Variants in CNTNAP2 observed in about 807,000 individuals in gnomAD.
CNTNAP2 encodes the protein contactin-associated protein-like 2.
In CNTNAP2, 98 loss-of-function variants were observed where a neutral mutation model predicts 155.2. The observed-to-expected ratio is 0.63, with a 90% CI of 0.54 to 0.75. CNTNAP2 has a LOEUF of 0.75. CNTNAP2 is among the 30% of genes least tolerant of loss of function. CNTNAP2 has a pLI of 0.00. For synonymous variants in CNTNAP2, 651 were observed against 631.2 expected, an observed-to-expected ratio of 1.03 and a Z score of -0.47; for missense variants, 1,727 against 1,688.1, an observed-to-expected ratio of 1.02 and a Z score of -0.40.
chr7:147,972,515 G>A (rs1156684743), intron 14 of CNTNAP2, among the ~76,000 whole-genome samples: 1 of 152,086 alleles, frequency 6.6e-6, no homozygotes, highest in East Asian at 1.9e-4. Context: ...GTCAAGGAAA[G>A]ACAGCAAAGC....
Position 146,669,828 on chromosome 7 carries a change from C to T in CNTNAP2, c.98-104443C>T, listed in dbSNP as rs1585034321. On this transcript the variant is annotated intron_variant, in intron 1 of 23. Transcript: ENST00000361727. ...TTAAACTTTAGTGTAAGTACTACAA[C>T]ATTTTACTAAGCAAATTTGGAGTTC... Among the ~76,000 whole-genome samples the T allele has an allele frequency of 2.4e-5, 3 of 126,362 alleles. No homozygotes were observed. The East Asian group carries it at 6.8e-4, about 29-fold the overall frequency. 82.9% of individuals were successfully genotyped at this position (126,362 alleles called of 152,430 possible).
intron 13 of CNTNAP2, among the ~76,000 whole-genome samples, chr7:147,763,258 C>CA (rs61666714): frequency 6.1e-4 from 65 of 107,036 alleles, no homozygotes; most frequent in Admixed American, 1.3e-3. Flanking sequence ...GAAACTCAGT[C>CA]AAAAAAAAAA....
At chr7:147,720,290 A>T (rs1796545197) in intron 13 of CNTNAP2, among the ~76,000 whole-genome samples, 1 of 152,104 alleles carries the variant, frequency 6.6e-6, no homozygotes, top group Admixed American at 6.6e-5. Context: ...GTGGGAGATA[A>T]GCTGTTCTAA....
chr7:146,623,398 C>T (rs1166612518), intron 1 of CNTNAP2, among the ~76,000 whole-genome samples: 2 of 152,010 alleles, frequency 1.3e-5, no homozygotes, highest in African/African-American at 2.4e-5. Flanking sequence ...AGTTCCAATG[C>T]CCTAAAAAAA....
chr7:147,052,250 A>G (rs936705995), intron 4 of CNTNAP2, among the ~76,000 whole-genome samples: 1 of 152,170 alleles, frequency 6.6e-6, no homozygotes, highest in Non-Finnish European at 1.5e-5. Flanking sequence ...ATTTAACAAA[A>G]TAATTCAAAA....
chr7:148,350,543 G>A (rs1340860342), intron 21 of CNTNAP2, among the ~76,000 whole-genome samples: 2 of 152,166 alleles, frequency 1.3e-5, no homozygotes, highest in Admixed American at 6.5e-5. Context: ...CAATGGGGTC[G>A]ATAATACTGT....
chr7:146,188,350 A>C (rs1798652679), intron 1 of CNTNAP2, among the ~76,000 whole-genome samples: 1 of 152,218 alleles, frequency 6.6e-6, no homozygotes, highest in South Asian at 2.1e-4. Context: ...AAGTATATTA[A>C]GGCTGCAAGA....
At chr7:146,893,390 G>C (rs1413066966) in intron 3 of CNTNAP2, among the ~76,000 whole-genome samples, 1 of 151,236 alleles carries the variant, frequency 6.6e-6, no homozygotes, top group African/African-American at 2.4e-5. Flanking sequence ...TCTCTATATA[G>C]AGATCATTTA....
chr7:146,404,573 C>A (rs928172068), intron 1 of CNTNAP2, among the ~76,000 whole-genome samples: 3 of 152,058 alleles, frequency 2.0e-5, no homozygotes, highest in African/African-American at 7.2e-5. Context: ...TTTTGAAGTG[C>A]AAATCAACTT....
chr7:146,868,913 G>A (rs1383942975), intron 3 of CNTNAP2, among the ~76,000 whole-genome samples: 1 of 152,060 alleles, frequency 6.6e-6, no homozygotes, highest in Non-Finnish European at 1.5e-5. Context: ...AAGTGCTTTT[G>A]GTCTGAGACT....
chr7:148,130,708 G>C (rs780737819), intron 16 of CNTNAP2, among the ~76,000 whole-genome samples: 26 of 152,276 alleles, frequency 1.7e-4, no homozygotes, highest in Non-Finnish European at 3.1e-4. Context: ...TCCAGCTACT[G>C]ATATTCCCTG....
At chr7:146,199,157 TA>T (rs1397639344) in intron 1 of CNTNAP2, among the ~76,000 whole-genome samples, 1 of 152,202 alleles carries the variant, frequency 6.6e-6, no homozygotes, top group Non-Finnish European at 1.5e-5. Flanking sequence ...AAAACATGCC[TA>T]AAAATTATTC....
At chr7:146,826,501 A>C (rs1187348480) in intron 2 of CNTNAP2, among the ~76,000 whole-genome samples, 2 of 152,220 alleles carry the variant, frequency 1.3e-5, no homozygotes, top group East Asian at 3.9e-4. Context: ...GGAACTAAGC[A>C]AGTCCATTCT....
intron 13 of CNTNAP2, among the ~76,000 whole-genome samples, chr7:147,874,231 T>TG: frequency 6.6e-6 from 1 of 152,304 alleles, no homozygotes; most frequent in East Asian, 1.9e-4. Context: ...GAACTCTGTG[T>TG]GGGGGGTTCC....
intron 3 of CNTNAP2, among the ~76,000 whole-genome samples, chr7:146,927,856 G>A (rs1483607344): frequency 1.3e-5 from 2 of 151,286 alleles, no homozygotes; most frequent in Non-Finnish European, 2.9e-5. Flanking sequence ...GAATAATCAG[G>A]ACATATCTAT....
At chr7:146,676,613 G>T (rs13228291) in intron 1 of CNTNAP2, among the ~76,000 whole-genome samples, 86,295 of 151,910 alleles carry the variant, frequency 0.57, 30,153 homozygotes, top group South Asian at 0.85. Context: ...TAATAAAGAC[G>T]TACCTGAGAA....
chr7:146,976,856 A>G (rs1454971942), intron 3 of CNTNAP2, among the ~76,000 whole-genome samples: 1 of 152,302 alleles, frequency 6.6e-6, no homozygotes, highest in East Asian at 1.9e-4. Context: ...CTCGCTGTGC[A>G]GTATTCTTCT....
At chr7:148,138,548 C>G (rs1208123262) in intron 16 of CNTNAP2, among the ~76,000 whole-genome samples, 1 of 152,192 alleles carries the variant, frequency 6.6e-6, no homozygotes, top group African/African-American at 2.4e-5. Context: ...TGCCGCACAA[C>G]CTGAATATGG....
At chr7:148,020,463 G>T (rs192012594) in intron 15 of CNTNAP2, among the ~76,000 whole-genome samples, 1 of 152,264 alleles carries the variant, frequency 6.6e-6, no homozygotes, top group Non-Finnish European at 1.5e-5. Flanking sequence ...GTTGTGATTG[G>T]TGAAGATAAA....
Sources: gnomAD v4.1 joint callset for allele counts (sites outside exome capture counted in the v4.1 genomes callset) on GRCh38, gnomAD v4.1.1 for gene constraint, MANE v1.5 for transcripts, NCBI Gene and HGNC (gene_info 2026-07-23, HGNC 2026-07-21) for gene names.